ADGRB3: variants seen among roughly 807,000 people sequenced by gnomAD.
ADGRB3 encodes brain-specific angiogenesis inhibitor 3.
Under a neutral mutation model 193.4 loss-of-function variants are expected in ADGRB3, and 37 were observed. The ratio of observed to expected loss-of-function variants is 0.19; its 90% confidence interval spans 0.15 to 0.25. The LOEUF is 0.25. Ranked by LOEUF, ADGRB3 falls within the 10% of genes least tolerant of loss-of-function variation. The pLI is 1.00. For synonymous variants in ADGRB3, 690 were observed against 644.2 expected (o/e 1.07, Z -1.08); for missense variants, 1,637 against 1,852.9 (o/e 0.88, Z 2.14).
chr6:69,055,463 T>C (rs1158140169), intron 15 of ADGRB3, among the ~76,000 whole-genome samples: 1 of 152,216 alleles, frequency 6.6e-6, no homozygotes, highest in African/African-American at 2.4e-5. Context: ...TATGATAAGT[T>C]TTTTTTCTTT....
intron 8 of ADGRB3, among the ~76,000 whole-genome samples, chr6:68,969,445 A>G (rs1411239476): frequency 1.3e-5 from 2 of 152,338 alleles, no homozygotes; most frequent in South Asian, 2.1e-4. Context: ...ATGGTAGGCT[A>G]CAGCCCTTAT....
intron 6 of ADGRB3, among the ~76,000 whole-genome samples, chr6:68,951,521 C>A (rs759714548): frequency 1.3e-5 from 2 of 152,142 alleles, no homozygotes; most frequent in African/African-American, 2.4e-5. Flanking sequence ...CAGTCCTTAT[C>A]ACCACAGCTC....
At chr6:69,108,593 A>G (rs768124332) in intron 17 of ADGRB3, among the ~76,000 whole-genome samples, 3 of 152,114 alleles carry the variant, frequency 2.0e-5, no homozygotes, top group Non-Finnish European at 4.4e-5. Context: ...TGTGATAAGG[A>G]CTAGGATGGT....
chr6:68,954,816 G>T (rs1423518916), intron 6 of ADGRB3, among the ~76,000 whole-genome samples: 1 of 151,742 alleles, frequency 6.6e-6, no homozygotes, highest in Admixed American at 6.6e-5. Context: ...GAGTAGCTAG[G>T]ACTACAGGCG....
At chr6:69,367,561 G>T (rs1293344389) in intron 29 of ADGRB3, among the ~76,000 whole-genome samples, 1 of 151,916 alleles carries the variant, frequency 6.6e-6, no homozygotes, top group Non-Finnish European at 1.5e-5. Flanking sequence ...CATTCTAACT[G>T]GTGTGAGATG....
chr6:68,780,315 C>A (rs779902878), intron 3 of ADGRB3, among the ~76,000 whole-genome samples: 1 of 151,972 alleles, frequency 6.6e-6, no homozygotes, highest in Non-Finnish European at 1.5e-5. Context: ...TTCATAGATA[C>A]GTTGTTTGTT....
intron 10 of ADGRB3, among the ~76,000 whole-genome samples, chr6:68,985,163 A>C (rs367764526): frequency 3.5e-4 from 53 of 152,276 alleles, no homozygotes; most frequent in Admixed American, 1.2e-3. Flanking sequence ...ATGCAGGTGC[A>C]GGGAAGGTAT....
chr6:68,807,648 G>A (rs969843756), intron 3 of ADGRB3, among the ~76,000 whole-genome samples: 2 of 151,844 alleles, frequency 1.3e-5, no homozygotes, highest in Non-Finnish European at 2.9e-5. Flanking sequence ...TGATACATAG[G>A]CAGTCTCATT....
At chr6:68,753,044 G>A (rs1766231954) in intron 3 of ADGRB3, among the ~76,000 whole-genome samples, 1 of 152,108 alleles carries the variant, frequency 6.6e-6, no homozygotes, top group African/African-American at 2.4e-5. Flanking sequence ...TTAATGACAT[G>A]AGCCTGAATA....
intron 17 of ADGRB3, among the ~76,000 whole-genome samples, chr6:69,092,668 C>A (rs563136762): frequency 6.6e-6 from 1 of 151,940 alleles, no homozygotes; most frequent in Non-Finnish European, 1.5e-5. Flanking sequence ...AAAACAGGAA[C>A]GTAAAGAGAC....
intron 3 of ADGRB3, among the ~76,000 whole-genome samples, chr6:68,652,761 A>G (rs1417272228): frequency 6.6e-6 from 1 of 152,092 alleles, no homozygotes; most frequent in Non-Finnish European, 1.5e-5. Flanking sequence ...TCAGTTTCAA[A>G]CTCAAGTTTC....
chr6:68,865,485 T>G (rs1470448043), intron 3 of ADGRB3, among the ~76,000 whole-genome samples: 1 of 152,094 alleles, frequency 6.6e-6, no homozygotes, highest in East Asian at 1.9e-4. Context: ...GTGCATGCTT[T>G]GAAGGGTCCT....
chr6:69,026,386 G>A (rs1426979398), intron 13 of ADGRB3, among the ~76,000 whole-genome samples: 1 of 152,084 alleles, frequency 6.6e-6, no homozygotes, highest in African/African-American at 2.4e-5. Flanking sequence ...TCAGACAGAA[G>A]AAACAATAAG....
intron 20 of ADGRB3, among the ~76,000 whole-genome samples, chr6:69,271,497 A>G (rs1373077957): frequency 6.6e-6 from 1 of 152,196 alleles, no homozygotes; most frequent in Non-Finnish European, 1.5e-5. Flanking sequence ...AAATGCATTC[A>G]TCTAGATTTT....
chr6:69,199,923 A>G (rs1290926557), intron 17 of ADGRB3, among the ~76,000 whole-genome samples: 1 of 152,068 alleles, frequency 6.6e-6, no homozygotes, highest in Non-Finnish European at 1.5e-5. Context: ...CCTTGTTCAA[A>G]TGTTAGTTAT....
At chr6:68,643,438 C>CTTTTTTTTTTTTTTTTTTTTTT (rs765489730) in intron 3 of ADGRB3, among the ~76,000 whole-genome samples, 2 of 65,030 alleles carry the variant, frequency 3.1e-5, no homozygotes, top group Non-Finnish European at 2.6e-5. Context: ...CTTCATCTTC[C>CTTTTTTTTTTTTTTTTTTTTTT]TTTTTTTTTT....
At chr6:69,124,286 T>C (rs1287317371) in intron 17 of ADGRB3, among the ~76,000 whole-genome samples, 2 of 152,222 alleles carry the variant, frequency 1.3e-5, no homozygotes, top group Non-Finnish European at 1.5e-5. Context: ...ATTTATTCTT[T>C]ATTATCTCAT....
In ADGRB3 at chr6:69,215,629, G is replaced by T. The variant is rs141309299; in HGVS notation, c.2481-17661G>T. Among the ~76,000 whole-genome samples the T allele has an allele frequency of 2.0e-4, 31 of 152,076 alleles. No individual in the cohort carries two copies. In the East Asian group the frequency reaches 5.4e-3, roughly 27 times the overall value. On this transcript the variant is annotated intron_variant, in intron 17 of 31. Coordinates refer to ENST00000370598, the MANE Select transcript of ADGRB3 (RefSeq NM_001704.3). Reference sequence around the variant, plus strand: ...ATAAAGAATTATAAGACCTATAAGAGATATAATGTAGCCTATCCCACAATT... The same window carrying T: ...ATAAAGAATTATAAGACCTATAAGATATATAATGTAGCCTATCCCACAATT...
intron 29 of ADGRB3, among the ~76,000 whole-genome samples, chr6:69,369,695 C>CAAAAAA (rs913608447): frequency 1.7e-5 from 1 of 59,528 alleles, no homozygotes; most frequent in South Asian, 5.5e-4. Flanking sequence ...AAGACCATTT[C>CAAAAAA]AAAAAAAAAA....
Sources: allele counts gnomAD v4.1 joint callset (sites outside exome capture counted in the v4.1 genomes callset), GRCh38; gene constraint gnomAD v4.1.1; transcripts MANE v1.5; gene names NCBI Gene and HGNC (gene_info 2026-07-23, HGNC 2026-07-21).